Variants in CNTN5 observed in about 807,000 individuals in gnomAD.
CNTN5 encodes contactin-5.
Under a neutral mutation model 129.1 loss-of-function variants are expected in CNTN5, and 77 were observed. The observed-to-expected ratio is 0.60, with a 90% CI of 0.50 to 0.72. The LOEUF is 0.72. Ranked by LOEUF, CNTN5 falls within the 30% of genes least tolerant of loss-of-function variation. The pLI is 0.00. For missense variants in CNTN5, 1,478 were observed against 1,328.8 expected (o/e 1.11, Z -1.75); for synonymous variants, 509 against 465.6 (o/e 1.09, Z -1.20).
chr11:100,103,734 C>T (rs1419861723), intron 13 of CNTN5, among the ~76,000 whole-genome samples: 2 of 152,128 alleles, frequency 1.3e-5, no homozygotes, highest in Non-Finnish European at 2.9e-5. Flanking sequence ...TTACCAGTGC[C>T]TGCAATGCTA....
intron 3 of CNTN5, among the ~76,000 whole-genome samples, chr11:99,812,941 A>C (rs995602212): frequency 6.6e-6 from 1 of 151,902 alleles, no homozygotes; most frequent in Non-Finnish European, 1.5e-5. Context: ...TTGGTTTTAT[A>C]AATTTTTAGA....
intron 3 of CNTN5, among the ~76,000 whole-genome samples, chr11:99,626,297 C>T (rs1790260): frequency 1.3e-5 from 2 of 151,838 alleles, no homozygotes; most frequent in Non-Finnish European, 2.9e-5. Context: ...TCAGTGCCTC[C>T]GACTTGGTAA....
chr11:99,261,816 T>G (rs1398964861), intron 1 of CNTN5, among the ~76,000 whole-genome samples: 2 of 152,042 alleles, frequency 1.3e-5, no homozygotes, highest in African/African-American at 4.8e-5. Context: ...ACGACACATT[T>G]GTGGCATAAC....
chr11:99,711,485 A>T (rs1411905020), intron 3 of CNTN5, among the ~76,000 whole-genome samples: 1 of 150,072 alleles, frequency 6.7e-6, no homozygotes, highest in Non-Finnish European at 1.5e-5. Flanking sequence ...TTGAAGACAC[A>T]GTTTTTTTTA....
At chr11:99,816,551 C>T (rs1438421499) in intron 3 of CNTN5, among the ~76,000 whole-genome samples, 1 of 152,146 alleles carries the variant, frequency 6.6e-6, no homozygotes, top group Non-Finnish European at 1.5e-5. Context: ...TTCTTTAGTG[C>T]CTCCAATCAA....
At chr11:99,304,461 G>A (rs1864784471) in intron 1 of CNTN5, among the ~76,000 whole-genome samples, 1 of 152,158 alleles carries the variant, frequency 6.6e-6, no homozygotes, top group Non-Finnish European at 1.5e-5. Context: ...TTCTTTAAGT[G>A]AATGAATCAG....
intron 1 of CNTN5, among the ~76,000 whole-genome samples, chr11:99,044,400 T>C (rs1157478200): frequency 6.6e-6 from 1 of 152,180 alleles, no homozygotes; most frequent in African/African-American, 2.4e-5. Flanking sequence ...TCCCTGTCTC[T>C]AATCTGCAGC....
chr11:99,190,953 T>C (rs1464259108), intron 1 of CNTN5, among the ~76,000 whole-genome samples: 3 of 151,724 alleles, frequency 2.0e-5, no homozygotes, highest in Non-Finnish European at 4.4e-5. Flanking sequence ...ACCTTTTCAC[T>C]GTTCAGAAGG....
intron 1 of CNTN5, among the ~76,000 whole-genome samples, chr11:99,063,725 C>T (rs904513416): frequency 2.0e-5 from 3 of 152,054 alleles, no homozygotes; most frequent in Non-Finnish European, 4.4e-5. Flanking sequence ...ACATTTCTTA[C>T]TTAAAATTAA....
chr11:99,784,297 T>A (rs1448082389), intron 3 of CNTN5, among the ~76,000 whole-genome samples: 1 of 151,946 alleles, frequency 6.6e-6, no homozygotes, highest in African/African-American at 2.4e-5. Context: ...TATCCCTCCC[T>A]TAGCCCCCCA....
At chr11:99,547,551 A>G (rs1005157005) in intron 2 of CNTN5, among the ~76,000 whole-genome samples, 3 of 152,226 alleles carry the variant, frequency 2.0e-5, no homozygotes, top group Admixed American at 1.3e-4. Flanking sequence ...TAAAGATTTA[A>G]GATGGATATG....
intron 2 of CNTN5, among the ~76,000 whole-genome samples, chr11:99,416,501 G>A (rs184255934): frequency 1.1e-4 from 16 of 152,018 alleles, no homozygotes; most frequent in Admixed American, 9.2e-4. Context: ...TACCCAGGCT[G>A]GTCTCAAATT....
chr11:99,358,271 T>TTTTTTTTTTTTTTTTTTTTTTA (rs1565518506), intron 2 of CNTN5, among the ~76,000 whole-genome samples: 1 of 129,440 alleles, frequency 7.7e-6, no homozygotes, highest in African/African-American at 2.8e-5. Flanking sequence ...TTTTTTTTTT[T>TTTTTTTTTTTTTTTTTTTTTTA]TTTTAGTAGA....
intron 8 of CNTN5, among the ~76,000 whole-genome samples, chr11:99,974,668 G>A (rs541139162): frequency 3.0e-4 from 46 of 152,226 alleles, no homozygotes; most frequent in African/African-American, 8.2e-4. Flanking sequence ...GTGATCTGTC[G>A]GAATGACAGA....
chr11:99,362,996 C>G (rs997961859), intron 2 of CNTN5, among the ~76,000 whole-genome samples: 2 of 151,926 alleles, frequency 1.3e-5, no homozygotes, highest in Admixed American at 1.3e-4. Flanking sequence ...TTTGGCTATT[C>G]AAAGCCGCTT....
intron 1 of CNTN5, among the ~76,000 whole-genome samples, chr11:99,088,546 G>T (rs767038066): frequency 5.3e-5 from 8 of 152,084 alleles, no homozygotes; most frequent in South Asian, 2.1e-4. Context: ...TTGTAGTAAC[G>T]ATTCACCAAA....
At chr11:99,906,439 A>C (rs1005233315) in intron 6 of CNTN5, among the ~76,000 whole-genome samples, 2 of 152,126 alleles carry the variant, frequency 1.3e-5, no homozygotes, top group South Asian at 4.1e-4. Context: ...GTGATGGATT[A>C]TGTTTATTGA....
intron 20 of CNTN5, among the ~76,000 whole-genome samples, chr11:100,307,633 A>C (rs1951382476): frequency 6.6e-6 from 1 of 151,730 alleles, no homozygotes; most frequent in Admixed American, 6.6e-5. Flanking sequence ...CTGTCTTAAA[A>C]GTCAATGCAT....
At chr11:99,321,623 A>C (rs761276329) in intron 1 of CNTN5, among the ~76,000 whole-genome samples, 4 of 152,126 alleles carry the variant, frequency 2.6e-5, no homozygotes, top group Non-Finnish European at 5.9e-5. Flanking sequence ...GAGTGCTGCT[A>C]GCTGAAGAGA....
Sources: gnomAD v4.1 joint callset for allele counts (sites outside exome capture counted in the v4.1 genomes callset) on GRCh38, gnomAD v4.1.1 for gene constraint, MANE v1.5 for transcripts, NCBI Gene and HGNC (gene_info 2026-07-23, HGNC 2026-07-21) for gene names.